The following PHF24 variants were observed in gnomAD, a reference collection of about 807,000 sequenced individuals.
The protein encoded by PHF24 is PHD finger protein 24.
Under a neutral mutation model 42.6 loss-of-function variants are expected in PHF24, and 25 were observed. The ratio of observed to expected loss-of-function variants is 0.59; its 90% CI spans 0.43 to 0.82. The LOEUF (loss-of-function observed/expected upper bound fraction) is 0.82. Ranked by LOEUF, PHF24 falls within the 40% of genes least tolerant of loss-of-function variation. The pLI is 0.00. For synonymous variants in PHF24, 185 were observed against 204.8 expected, an observed-to-expected ratio of 0.90 and a Z score of 0.83; for missense variants, 470 against 538.1, an observed-to-expected ratio of 0.87 and a Z score of 1.25.
At chr9:34,672,971 C>T in the PHF24 span, among the ~76,000 whole-genome samples, 1 of 152,056 alleles carries the variant, frequency 6.6e-6, no homozygotes, top group East Asian at 1.9e-4. Flanking sequence ...CACCACCATG[C>T]CCAGCCAGGG....
At chr9:34,856,123 G>A in the PHF24 span, among the ~76,000 whole-genome samples, 1 of 152,126 alleles carries the variant, frequency 6.6e-6, no homozygotes, top group African/African-American at 2.4e-5. Context: ...AGCTCTATCA[G>A]GTCAGCTATG....
chr9:34,695,920 T>G, the PHF24 span, among the ~76,000 whole-genome samples: 1 of 151,948 alleles, frequency 6.6e-6, no homozygotes, highest in Non-Finnish European at 1.5e-5. Context: ...GGCTTGCCCT[T>G]GATGAGGGCA....
chr9:34,828,421 G>A, the PHF24 span, among the ~76,000 whole-genome samples: 1 of 152,106 alleles, frequency 6.6e-6, no homozygotes, highest in South Asian at 2.1e-4. Flanking sequence ...CATCCGGCGT[G>A]CTATGTATCT....
chr9:34,917,482 C>G, the PHF24 span: 1 of 770,934 alleles, frequency 1.3e-6, no homozygotes, highest in African/African-American at 1.7e-5. Flanking sequence ...GTGAAGTTTT[C>G]AAGTACAATC....
chr9:34,889,661 A>G, the PHF24 span: 6 of 398,436 alleles, frequency 1.5e-5, no homozygotes, highest in Non-Finnish European at 2.7e-5. Context: ...TCTTGTGAGT[A>G]TGGACTGCCC....
the PHF24 span, among the ~76,000 whole-genome samples, chr9:34,860,544 A>G: frequency 6.6e-6 from 1 of 152,158 alleles, no homozygotes; most frequent in Non-Finnish European, 1.5e-5. Flanking sequence ...TCATATGAAC[A>G]TAATAATTTT....
the PHF24 span, among the ~76,000 whole-genome samples, chr9:34,700,978 AAC>A: frequency 3.9e-5 from 6 of 152,088 alleles, no homozygotes; most frequent in Admixed American, 1.3e-4. Flanking sequence ...AGGTGTTTGA[AAC>A]AGTTTCTGAC....
At chr9:34,690,423 CCTGT>C in the PHF24 span, 12 of 913,154 alleles carry the variant, frequency 1.3e-5, no homozygotes, top group East Asian at 2.3e-4. Flanking sequence ...ATTGAGGACA[CCTGT>C]GTGTGTGTGT....
chr9:34,851,306 C>T, the PHF24 span, among the ~76,000 whole-genome samples: 12 of 152,154 alleles, frequency 7.9e-5, no homozygotes, highest in African/African-American at 2.9e-4. Flanking sequence ...TGGGCAATGG[C>T]GGGCTCCCCT....
At chr9:34,767,658 G>A in the PHF24 span, among the ~76,000 whole-genome samples, 1 of 152,198 alleles carries the variant, frequency 6.6e-6, no homozygotes, top group African/African-American at 2.4e-5. Flanking sequence ...TGCGCTTCCG[G>A]AGTGAGGCAA....
At chr9:34,869,508 A>G in the PHF24 span, among the ~76,000 whole-genome samples, 1 of 152,006 alleles carries the variant, frequency 6.6e-6, no homozygotes, top group Non-Finnish European at 1.5e-5. Context: ...GTGATGAGTG[A>G]TGTTGAGCTT....
intron 1 of PHF24, among the ~76,000 whole-genome samples, chr9:34,962,974 C>T (rs1826644000): frequency 6.6e-6 from 1 of 152,158 alleles, no homozygotes; most frequent in South Asian, 2.1e-4. Context: ...CTTGGAAACC[C>T]CAGAAAAGCC....
At chr9:34,730,801 C>G in the PHF24 span, among the ~76,000 whole-genome samples, 1 of 152,176 alleles carries the variant, frequency 6.6e-6, no homozygotes, top group Non-Finnish European at 1.5e-5. Context: ...AGGACTCTTC[C>G]TGGTGGGAGA....
the PHF24 span, among the ~76,000 whole-genome samples, chr9:34,811,649 A>G: frequency 6.6e-6 from 1 of 152,098 alleles, no homozygotes; most frequent in Admixed American, 6.6e-5. Flanking sequence ...TGACAAGGCT[A>G]AATAGCCTAA....
chr9:34,933,770 T>C, the PHF24 span, among the ~76,000 whole-genome samples: 3 of 150,766 alleles, frequency 2.0e-5, no homozygotes, highest in Non-Finnish European at 3.0e-5. Context: ...CAACTGAAGT[T>C]AGAGTTTATT....
chr9:34,665,968 C>T, the PHF24 span: 6 of 470,004 alleles, frequency 1.3e-5, no homozygotes, highest in Non-Finnish European at 1.9e-5. Context: ...TTTTCAGGGG[C>T]TGGGGTCACC....
chr9:34,823,714 C>T, the PHF24 span, among the ~76,000 whole-genome samples: 2 of 152,082 alleles, frequency 1.3e-5, no homozygotes, highest in African/African-American at 2.4e-5. Context: ...AACAGCTGCC[C>T]TGAGAGCAAG....
the PHF24 span, among the ~76,000 whole-genome samples, chr9:34,908,396 T>C: frequency 5.9e-5 from 9 of 152,150 alleles, no homozygotes; most frequent in African/African-American, 1.9e-4. Context: ...AAAAAATCCC[T>C]CTGGGAGCTT....
chr9:34,794,955 C>A, the PHF24 span, among the ~76,000 whole-genome samples: 1 of 151,712 alleles, frequency 6.6e-6, no homozygotes, highest in Non-Finnish European at 1.5e-5. Flanking sequence ...GTAAAAAATA[C>A]AAAGATACAA....
Sources: allele counts gnomAD v4.1 joint callset (sites outside exome capture counted in the v4.1 genomes callset), GRCh38; gene constraint gnomAD v4.1.1; transcripts MANE v1.5; gene names NCBI Gene and HGNC (gene_info 2026-07-23, HGNC 2026-07-21).